Variants in KLHL6 observed in about 807,000 individuals in gnomAD.
KLHL6 encodes kelch like family member 6.
A neutral mutation model predicts 58.6 loss-of-function variants in KLHL6; 41 were observed. The observed-to-expected ratio is 0.70, with a 90% CI of 0.55 to 0.91. KLHL6 has a LOEUF of 0.91. Ranked by LOEUF, KLHL6 falls within the 40% of genes least tolerant of loss-of-function variation. The pLI, the probability that KLHL6 is intolerant of heterozygous loss-of-function variation, is 0.00. For missense variants in KLHL6, 714 were observed against 805.6 expected (o/e 0.89, Z 1.38); for synonymous variants, 338 against 322.7 (o/e 1.05, Z -0.51).
chr3:183,500,088 C>CT (rs1717830811), intron 3 of KLHL6, among the ~76,000 whole-genome samples: 2 of 152,198 alleles, frequency 1.3e-5, no homozygotes, highest in African/African-American at 2.4e-5. Context: ...GTACTCAATA[C>CT]ATGTTGCCTG....
chr3:183,523,799 G>A (rs908975204), intron 2 of KLHL6, among the ~76,000 whole-genome samples: 2 of 151,902 alleles, frequency 1.3e-5, no homozygotes, highest in South Asian at 2.1e-4. Context: ...TCACTCTGTC[G>A]CCCAGGCTGG....
chr3:183,531,450 T>G (rs1350138716), intron 1 of KLHL6, among the ~76,000 whole-genome samples: 3 of 131,898 alleles, frequency 2.3e-5, no homozygotes, highest in Admixed American at 2.2e-4. Context: ...TGTGTTTTTT[T>G]TTTTTTTTTT....
chr3:183,551,660 C>CT (rs1712919998), intron 1 of KLHL6, among the ~76,000 whole-genome samples: 1 of 152,146 alleles, frequency 6.6e-6, no homozygotes, highest in Non-Finnish European at 1.5e-5. Flanking sequence ...TATTTGAAAT[C>CT]AGTGAATGAT....
rs777713671 is a variant in KLHL6, at chr3:183,494,139, G to T, written c.1290C>A (p.Asp430Glu). 4 of 1,614,152 alleles carry T rather than the reference G, an allele frequency of 2.5e-6. No homozygotes were observed. Among genetic ancestry groups the T allele is most frequent in the Non-Finnish European group, 3.4e-6 (4 of 1,180,036 alleles). ...GGKVYVIGGFDGLQRINNVET... is the reference protein window; with the variant it reads ...GGKVYVIGGFEGLQRINNVET... ...CCACATTGTTGATTCTCTGTAAGCCGTCAAAGCCTCCGATCACATAGACCT... is the reference window on the plus strand; with the variant it reads ...CCACATTGTTGATTCTCTGTAAGCCTTCAAAGCCTCCGATCACATAGACCT... The change falls in exon 5 of 7, where the codon GAC becomes GAA. Residue 430 changes from aspartate to glutamate, a missense_variant. Coordinates refer to ENST00000341319, the MANE Select transcript of KLHL6 (RefSeq NM_130446.4).
rs1717550904 is a variant in KLHL6 at position 183,491,481 on chromosome 3, GC to G, written c.*445del. 6.4e-6 allele frequency: 1 copy of G among 156,462 alleles called. No homozygotes were observed. Among genetic ancestry groups the G allele is most frequent in the East Asian group, 1.9e-4 (1 of 5,348 alleles). 9.7% of individuals were successfully genotyped at this position (156,462 alleles called of 1,614,324 possible). The stretch of plus-strand genomic sequence containing the variant: ...TGAGATAGGCAGCATGGTGGAAAGA[GC>G]ATTGACTTCGGAGATGAAAGACCTG... On this transcript the variant is annotated 3_prime_UTR_variant, in exon 7 of 7. Coordinates refer to ENST00000341319, the MANE Select transcript of KLHL6 (RefSeq NM_130446.4).
At position 183,489,509 on chromosome 3, in the gene KLHL6, G is replaced by A. The variant is rs1553693; in HGVS notation, c.*2418C>T. 103,506 of 152,146 alleles carry A rather than the reference G, an allele frequency of 0.68. 36,687 individuals carry two copies. The highest frequency in any genetic ancestry group is 0.9 in the African/African-American group (37,512 of 41,534). 9.4% of individuals were successfully genotyped at this position (152,146 alleles called of 1,614,324 possible). On this transcript the variant is annotated 3_prime_UTR_variant, in exon 7 of 7. Coordinates refer to ENST00000341319, the MANE Select transcript of KLHL6 (RefSeq NM_130446.4). Reference sequence around the variant, plus strand: ...TATTTACCTGTATTGAGTGTCTAGCGTGGAGATTTGCCATTCGTGGGTGTC... The same window carrying A: ...TATTTACCTGTATTGAGTGTCTAGCATGGAGATTTGCCATTCGTGGGTGTC...
At chr3:183,541,221 G>A (rs1454308220) in intron 1 of KLHL6, among the ~76,000 whole-genome samples, 2 of 152,206 alleles carry the variant, frequency 1.3e-5, no homozygotes, top group Non-Finnish European at 2.9e-5. Context: ...GATCCTATGT[G>A]CGTTCTAGGC....
chr3:183,534,945 TA>T (rs1356075292), intron 1 of KLHL6, among the ~76,000 whole-genome samples: 11,504 of 119,818 alleles, frequency 0.096, 474 homozygotes, highest in East Asian at 0.15. Context: ...TATATATATA[TA>T]TATATTTTTT....
intron 2 of KLHL6, among the ~76,000 whole-genome samples, chr3:183,519,181 A>G (rs1577189224): frequency 6.6e-6 from 1 of 152,262 alleles, no homozygotes; most frequent in African/African-American, 2.4e-5. Context: ...GAGGGAATGG[A>G]AGTGTCTTTT....
chr3:183,547,793 T>G (rs1690180760), intron 1 of KLHL6, among the ~76,000 whole-genome samples: 1 of 152,214 alleles, frequency 6.6e-6, no homozygotes, highest in African/African-American at 2.4e-5. Flanking sequence ...ATTTCATCCT[T>G]GGGGGAGCTC....
chr3:183,535,037 C>T (rs1346672948), intron 1 of KLHL6, among the ~76,000 whole-genome samples: 2 of 151,450 alleles, frequency 1.3e-5, no homozygotes, highest in East Asian at 1.9e-4. Flanking sequence ...CTCAGCCTCC[C>T]GGATTCAAGC....
At chr3:183,527,086 G>A (rs1711997627) in intron 2 of KLHL6, among the ~76,000 whole-genome samples, 1 of 150,652 alleles carries the variant, frequency 6.6e-6, no homozygotes, top group South Asian at 2.1e-4. Context: ...GCGTCACAGC[G>A]AGACTCTCTC....
chr3:183,535,190 G>T (rs1214478153), intron 1 of KLHL6, among the ~76,000 whole-genome samples: 1 of 152,038 alleles, frequency 6.6e-6, no homozygotes, highest in South Asian at 2.1e-4. Context: ...TGATCTGCCC[G>T]CCTCAGCCTC....
chr3:183,499,866 C>T lies in KLHL6; in HGVS notation c.910-39G>A. 1.3e-6 allele frequency: 2 copies of T among 1,492,474 alleles called. No homozygotes were observed. 92.5% of individuals were successfully genotyped at this position (1,492,474 alleles called of 1,614,324 possible). On this transcript the variant is annotated intron_variant, in intron 3 of 6. Transcript: ENST00000341319. This position sits in a 1 kb window ranked among gnomAD's most constrained non-coding sequence, Gnocchi z 4.6. ...GGGGTACATGAAGGCAGGGACAACA[C>T]AAAGTTTCAGAGCTCGGGCTATGGA... is the stretch of plus-strand genomic sequence containing the variant.
chr3:183,538,219 C>G lies in KLHL6; in HGVS notation c.294-10209G>C, dbSNP rs530107919. Among the ~76,000 whole-genome samples the G allele has an allele frequency of 7.2e-5, 11 of 152,294 alleles. 1 individual carries two copies. The South Asian group carries it at 2.3e-3, about 32-fold the overall frequency. On this transcript the variant is annotated intron_variant, in intron 1 of 6. Coordinates refer to ENST00000341319, the MANE Select transcript of KLHL6 (RefSeq NM_130446.4). Reference sequence around the variant, plus strand: ...TGAGCTCTACAAGCTCCTGTAGTTCCTAAACTTCACCAACTCAGAATATTT... The same window carrying G: ...TGAGCTCTACAAGCTCCTGTAGTTCGTAAACTTCACCAACTCAGAATATTT...
At chr3:183,528,051 T>C (rs1483156246) in intron 1 of KLHL6, 41 bp from the exon 2 acceptor site, 1 of 1,610,868 alleles carries the variant, frequency 6.2e-7, no homozygotes. Flanking sequence ...GCCGAGACCC[T>C]TGGTTCCAGG....
chr3:183,528,894 A>ACCCAAATG (rs1712066251), intron 1 of KLHL6, among the ~76,000 whole-genome samples: 1 of 152,174 alleles, frequency 6.6e-6, no homozygotes, highest in Non-Finnish European at 1.5e-5. Flanking sequence ...CATAGAATCA[A>ACCCAAATG]CCCAAATGCC....
At chr3:183,547,696 T>C (rs535738689) in intron 1 of KLHL6, among the ~76,000 whole-genome samples, 1 of 152,350 alleles carries the variant, frequency 6.6e-6, no homozygotes, top group South Asian at 2.1e-4. Context: ...GTTTGGAATA[T>C]GGACGGCCTA....
intron 2 of KLHL6, among the ~76,000 whole-genome samples, chr3:183,524,135 T>A (rs1711866911): frequency 6.6e-6 from 1 of 152,184 alleles, no homozygotes; most frequent in Non-Finnish European, 1.5e-5. Context: ...GTGCCCTGAT[T>A]GAGAAATCAT....
Sources: gnomAD v4.1 joint callset for allele counts (sites outside exome capture counted in the v4.1 genomes callset) on GRCh38, gnomAD v4.1.1 for gene constraint, Gnocchi (gnomAD v3.1) non-coding constraint, MANE v1.5 for transcripts, NCBI Gene and HGNC (gene_info 2026-07-23, HGNC 2026-07-21) for gene names.